Variants in RTTN observed in about 807,000 individuals in gnomAD.
RTTN encodes rotatin.
A neutral mutation model predicts 269.2 loss-of-function variants in RTTN; 182 were observed. The observed-to-expected ratio is 0.68, with a 90% CI of 0.60 to 0.76. RTTN has a LOEUF of 0.76. RTTN is among the 30% of genes least tolerant of loss of function. The probability of loss-of-function intolerance (pLI) is 0.00; values close to 1 mark genes in which losing one functional copy is unlikely to be tolerated. For synonymous variants in RTTN, 1,006 were observed against 963.5 expected, an observed-to-expected ratio of 1.04 and a Z score of -0.82; for missense variants, 2,545 against 2,608.6, an observed-to-expected ratio of 0.98 and a Z score of 0.53.
At chr18:70,070,335 T>A (rs1343258028) in intron 34 of RTTN, among the ~76,000 whole-genome samples, 1 of 152,222 alleles carries the variant, frequency 6.6e-6, no homozygotes, top group African/African-American at 2.4e-5. Flanking sequence ...AAACAGAGTA[T>A]AACATTTTCT....
intron 40 of RTTN, among the ~76,000 whole-genome samples, chr18:70,036,595 C>T (rs1190397259): frequency 6.6e-6 from 1 of 152,026 alleles, no homozygotes; most frequent in East Asian, 1.9e-4. Context: ...CTATTGGGTA[C>T]CAGGCTTAGT....
At position 70,204,281 on chromosome 18, in the gene RTTN, T is replaced by C; in HGVS notation, c.220-18A>G. ...GGGGGATACTAAAATAAGAAGAGGA[T>C]GATCTTGAGAATAACTGTATCAAAA... On this transcript the variant is annotated intron_variant, in intron 2 of 48. Transcript: ENST00000640769. 1 of 1,587,972 alleles carries C rather than the reference T, an allele frequency of 6.3e-7. No homozygotes were observed.
chr18:70,006,511 A>G (rs1387314016), intron 46 of RTTN, 27 bp from the exon 47 acceptor site: 1 of 1,551,130 alleles, frequency 6.4e-7, no homozygotes, highest in Admixed American at 1.7e-5. Context: ...ATTTTTTAAA[A>G]GTTCAGTCCC....
intron 39 of RTTN, among the ~76,000 whole-genome samples, chr18:70,049,527 C>T (rs1479329646): frequency 2.6e-5 from 4 of 152,030 alleles, no homozygotes; most frequent in South Asian, 2.1e-4. Context: ...TTCTTACTAT[C>T]GCTTTGGTTA....
chr18:70,169,078 T>C lies in RTTN; in HGVS notation c.1477-11A>G. 1 of 1,556,672 alleles carries C rather than the reference T, an allele frequency of 6.4e-7. No individual in the cohort carries two copies. Among genetic ancestry groups the C allele is most frequent in the Non-Finnish European group, 8.6e-7 (1 of 1,157,548 alleles). On this transcript the variant is annotated splice_polypyrimidine_tract_variant and intron_variant, in intron 11 of 48. Transcript: ENST00000640769. ...TAAAAACTCGCTTGCCTTGGTGAAT[T>C]AAAAAAACAAAAAAATTAAAACTTT... is the stretch of plus-strand genomic sequence containing the variant.
At chr18:70,120,905 G>A (rs1193131076) in intron 26 of RTTN, among the ~76,000 whole-genome samples, 2 of 152,018 alleles carry the variant, frequency 1.3e-5, no homozygotes, top group African/African-American at 4.8e-5. Context: ...ACAAAAATTA[G>A]CTGGGCGTGG....
intron 44 of RTTN, 103 bp downstream of exon 44, chr18:70,024,619 G>T (rs2056800957): frequency 9.3e-7 from 1 of 1,080,668 alleles, no homozygotes; most frequent in Non-Finnish European, 1.4e-6. Context: ...ATAAATCAGA[G>T]AAATACTTCA....
chr18:70,199,442 C>A lies in RTTN; in HGVS notation c.550G>T (p.Asp184Tyr). ...TFPWLPLTTT[D>Y]RHVLSSNESS... Reference sequence around the variant, plus strand: ...TCATTAGAGGAGAGGACATGTCTGTCTGTGGTGGTCAGGGGTAGCCAAGGA... The same window carrying A: ...TCATTAGAGGAGAGGACATGTCTGTATGTGGTGGTCAGGGGTAGCCAAGGA... Residue 184 changes from aspartate (D) to tyrosine (Y), a missense_variant, in exon 5 of 49, where the codon GAC becomes TAC. Physicochemically the swap from Asp to Tyr is radical, Grantham distance 160 (BLOSUM62 -3). Transcript: ENST00000640769. The A allele has an allele frequency of 6.2e-7, 1 of 1,612,786 alleles. No homozygotes were observed. Among genetic ancestry groups the A allele is most frequent in the South Asian group, 1.1e-5 (1 of 91,040 alleles).
At chr18:70,098,796 C>G (rs144636820) in intron 28 of RTTN, among the ~76,000 whole-genome samples, 1,889 of 152,248 alleles carry the variant, frequency 0.012, 23 homozygotes, top group South Asian at 0.039. Context: ...CTCCACCCTC[C>G]TCCTACCCCA....
At chr18:70,191,983 A>G (rs538331257) in intron 8 of RTTN, among the ~76,000 whole-genome samples, 2 of 152,296 alleles carry the variant, frequency 1.3e-5, no homozygotes, top group East Asian at 3.9e-4. Context: ...ATAAGGACTA[A>G]GAGCATAGAC....
chr18:70,059,739 A>C (rs11876398), intron 36 of RTTN, 111 bp downstream of exon 36: 1 of 702,500 alleles, frequency 1.4e-6, no homozygotes, highest in South Asian at 4.9e-5. Context: ...GAGCCTAAAA[A>C]AGAATAAAGC....
At chr18:70,005,534 A>C in intron 47 of RTTN, 1 of 305,182 alleles carries the variant, frequency 3.3e-6, no homozygotes, top group East Asian at 5.2e-5. Flanking sequence ...TTCTCCCCTA[A>C]TCTCAATTTG....
intron 44 of RTTN, 74 bp from the exon 45 acceptor site, chr18:70,020,891 G>T: frequency 3.2e-6 from 4 of 1,248,834 alleles, no homozygotes; most frequent in Non-Finnish European, 4.5e-6. Flanking sequence ...AAGTGGCAAA[G>T]CATATCTGTC....
In RTTN at chr18:70,003,900, C is replaced by A; in HGVS notation, c.*251G>T. On this transcript the variant is annotated 3_prime_UTR_variant, in exon 49 of 49. Coordinates refer to ENST00000640769, the MANE Select transcript of RTTN (RefSeq NM_173630.4). Reference sequence around the variant, plus strand: ...AAAAGGGTAAAAATGTTTATGTTCCCAGAACTTTCTATGCCTTTTCAACAG... The same window carrying A: ...AAAAGGGTAAAAATGTTTATGTTCCAAGAACTTTCTATGCCTTTTCAACAG... 6.2e-6 allele frequency: 2 copies of A among 321,994 alleles called. No individual in the cohort carries two copies. Among genetic ancestry groups the A allele is most frequent in the Admixed American group, 4.8e-5 (1 of 20,758 alleles). The allele number at this position is 321,994 out of a possible 1,614,324, so 19.9% of individuals were successfully genotyped here.
chr18:70,140,022 A>G, intron 20 of RTTN, 78 bp downstream of exon 20: 1 of 967,630 alleles, frequency 1.0e-6, no homozygotes, highest in South Asian at 1.4e-5. Flanking sequence ...TACTCATCCA[A>G]ATTCTGCTCA....
chr18:70,004,562 C>T (rs2056122210), intron 48 of RTTN, among the ~76,000 whole-genome samples: 1 of 151,860 alleles, frequency 6.6e-6, no homozygotes, highest in South Asian at 2.1e-4. Flanking sequence ...TCTTTAACTT[C>T]ACTAGCTCCA....
At chr18:70,112,529 A>T (rs189128293) in intron 27 of RTTN, among the ~76,000 whole-genome samples, 1 of 148,918 alleles carries the variant, frequency 6.7e-6, no homozygotes, top group African/African-American at 2.4e-5. Flanking sequence ...TATCTCTGAT[A>T]CAAAAGACTT....
chr18:70,080,169 T>C (rs1421859946), intron 32 of RTTN, among the ~76,000 whole-genome samples: 2 of 152,100 alleles, frequency 1.3e-5, no homozygotes, highest in African/African-American at 2.4e-5. Flanking sequence ...AAATAATATA[T>C]AACTATAAAT....
intron 46 of RTTN, among the ~76,000 whole-genome samples, chr18:70,014,692 T>G (rs1210492344): frequency 6.6e-6 from 1 of 152,038 alleles, no homozygotes; most frequent in Non-Finnish European, 1.5e-5. Flanking sequence ...TTCTTTACAG[T>G]CTCCTTCATG....
Sources: gnomAD v4.1 joint callset for allele counts (sites outside exome capture counted in the v4.1 genomes callset) on GRCh38, gnomAD v4.1.1 for gene constraint, MANE v1.5 for transcripts, NCBI Gene and HGNC (gene_info 2026-07-23, HGNC 2026-07-21) for gene names.